Variants in SAMMSON observed in about 807,000 individuals in gnomAD.
SAMMSON encodes the protein survival associated mitochondrial melanoma specific oncogenic non-coding RNA, also known as long intergenic non-protein coding RNA 1212.
At chr3:70,143,671 G>A (rs1052822657) in intron 4 of SAMMSON, among the ~76,000 whole-genome samples, 2 of 152,110 alleles carry the variant, frequency 1.3e-5, no homozygotes, top group Admixed American at 6.5e-5. Context: ...AGTAGAGGGT[G>A]TTCTTCACAG....
At chr3:70,106,341 CTTTT>C (rs770411041) in intron 4 of SAMMSON, among the ~76,000 whole-genome samples, 1 of 137,592 alleles carries the variant, frequency 7.3e-6, no homozygotes. Context: ...TGAGAATCTG[CTTTT>C]TTTTTTTTTT....
chr3:70,428,275 G>A (rs1209189671), intron 2 of SAMMSON, among the ~76,000 whole-genome samples: 3 of 151,934 alleles, frequency 2.0e-5, no homozygotes, highest in African/African-American at 4.8e-5. Flanking sequence ...AAATGCAAAC[G>A]GCCTAGAATA....
chr3:70,010,863 G>A (rs1203551299), intron 1 of SAMMSON, among the ~76,000 whole-genome samples: 1 of 152,110 alleles, frequency 6.6e-6, no homozygotes. Flanking sequence ...GCAAACAGGG[G>A]AAATGCCAGA....
intron 1 of SAMMSON, chr3:69,999,929 G>GA (rs1004235410): frequency 6.6e-6 from 1 of 152,312 alleles, no homozygotes; most frequent in Admixed American, 6.5e-5. Context: ...TACTCCAGGG[G>GA]AAAACCACCT....
chr3:70,155,597 G>A (rs933067845), intron 4 of SAMMSON, among the ~76,000 whole-genome samples: 1 of 152,010 alleles, frequency 6.6e-6, no homozygotes. Context: ...TATACTCAAG[G>A]CATGTTTAAT....
At chr3:70,240,747 G>A (rs942565749) in intron 4 of SAMMSON, among the ~76,000 whole-genome samples, 5 of 152,070 alleles carry the variant, frequency 3.3e-5, no homozygotes, top group Admixed American at 6.6e-5. Context: ...TATTCTGCAC[G>A]AGAAGACAGA....
At chr3:70,284,319 T>A (rs2106685105) in intron 6 of SAMMSON, among the ~76,000 whole-genome samples, 1 of 152,328 alleles carries the variant, frequency 6.6e-6, no homozygotes, top group East Asian at 1.9e-4. Flanking sequence ...AGAGTGAAGT[T>A]AGCCTTGTTC....
chr3:70,226,761 G>A lies in SAMMSON; in HGVS notation n.508-22346G>A, dbSNP rs1180282033. ...TTAAAAAAAAAAAAAAAAAAATAGT[G>A]TGCAATTTCCAGGTGGCAATTAAAA... On this transcript the variant is annotated intron_variant and non_coding_transcript_variant, in intron 4 of 9. Transcript: ENST00000642114. Among the ~76,000 whole-genome samples, 5 of 149,088 alleles carry A rather than the reference G, an allele frequency of 3.4e-5. No homozygotes were observed. In the South Asian group the frequency reaches 6.4e-4, roughly 19 times the overall value.
intron 6 of SAMMSON, among the ~76,000 whole-genome samples, chr3:70,270,744 T>C (rs552706903): frequency 3.9e-5 from 6 of 152,246 alleles, no homozygotes; most frequent in Admixed American, 3.9e-4. Context: ...CAGGACACGG[T>C]TGAAGCTGGA....
intron 5 of SAMMSON, among the ~76,000 whole-genome samples, chr3:70,249,439 A>T (rs1396707407): frequency 6.6e-6 from 1 of 152,086 alleles, no homozygotes; most frequent in African/African-American, 2.4e-5. Flanking sequence ...CATTGCTGTG[A>T]CCTCTGCATC....
chr3:70,059,502 C>T (rs1187313572), intron 3 of SAMMSON, among the ~76,000 whole-genome samples: 1 of 152,022 alleles, frequency 6.6e-6, no homozygotes, highest in Non-Finnish European at 1.5e-5. Flanking sequence ...TCATGTAAGT[C>T]CCAATCTGAG....
At chr3:70,045,048 TATA>T (rs1167171624) in intron 3 of SAMMSON, among the ~76,000 whole-genome samples, 5 of 120,200 alleles carry the variant, frequency 4.2e-5, no homozygotes, top group African/African-American at 6.7e-5. Flanking sequence ...AATTAATATA[TATA>T]ATTAATTATA....
intron 7 of SAMMSON, among the ~76,000 whole-genome samples, chr3:70,349,777 T>C (rs805473): frequency 0.75 from 113,690 of 152,052 alleles, 42,837 homozygotes; most frequent in Middle Eastern, 0.79. Context: ...ATATTATGCA[T>C]AAACAGATTA....
downstream of SAMMSON, among the ~76,000 whole-genome samples, chr3:70,390,743 G>A (rs1701038553): frequency 6.6e-6 from 1 of 151,960 alleles, no homozygotes; most frequent in Non-Finnish European, 1.5e-5. Flanking sequence ...GATTTTGGCA[G>A]GGACATATAT....
chr3:70,427,046 A>C (rs1701376136), intron 2 of SAMMSON, among the ~76,000 whole-genome samples: 1 of 152,254 alleles, frequency 6.6e-6, no homozygotes, highest in South Asian at 2.1e-4. Flanking sequence ...AATTCTTCAG[A>C]AAGTCACTCC....
chr3:70,069,520 T>C (rs2067222290), intron 3 of SAMMSON: 1 of 152,116 alleles, frequency 6.6e-6, no homozygotes, highest in Non-Finnish European at 1.5e-5. Context: ...AATGATTCTC[T>C]TTTACAGGCA....
At chr3:70,163,152 T>C (rs2067622965) in intron 4 of SAMMSON, among the ~76,000 whole-genome samples, 1 of 151,746 alleles carries the variant, frequency 6.6e-6, no homozygotes, top group Admixed American at 6.6e-5. Flanking sequence ...AACGCAATGA[T>C]TGATATAGTA....
intron 4 of SAMMSON, among the ~76,000 whole-genome samples, chr3:70,137,235 T>C (rs1284806999): frequency 2.0e-5 from 3 of 152,224 alleles, no homozygotes; most frequent in Non-Finnish European, 4.4e-5. Flanking sequence ...CTTTGCAATA[T>C]ATTGTTTAGA....
At chr3:70,308,023 G>T (rs913745975) in intron 7 of SAMMSON, among the ~76,000 whole-genome samples, 2 of 152,060 alleles carry the variant, frequency 1.3e-5, no homozygotes, top group Non-Finnish European at 2.9e-5. Context: ...CCCACAGTTT[G>T]CATAATGCAG....
Sources: gnomAD v4.1 joint callset for allele counts (sites outside exome capture counted in the v4.1 genomes callset) on GRCh38, gnomAD v4.1.1 for gene constraint, MANE v1.5 for transcripts, NCBI Gene and HGNC (gene_info 2026-07-23, HGNC 2026-07-21) for gene names.